NXN: variants seen among roughly 807,000 people sequenced by gnomAD.
NXN encodes nucleoredoxin 1.
NXN carries 16 observed loss-of-function variants against 48.6 expected under a neutral mutation model. The observed-to-expected ratio is 0.33, with a 90% CI of 0.22 to 0.50. The LOEUF (loss-of-function observed/expected upper bound fraction) is 0.50. Ranked by LOEUF, NXN falls within the 20% of genes least tolerant of loss-of-function variation. NXN has a pLI of 0.98. For synonymous variants in NXN, 281 were observed against 269.6 expected, an observed-to-expected ratio of 1.04 and a Z score of -0.41; for missense variants, 492 against 605.5, an observed-to-expected ratio of 0.81 and a Z score of 1.97.
chr17:972,833 C>A (rs1167798834), intron 1 of NXN, among the ~76,000 whole-genome samples: 1 of 152,110 alleles, frequency 6.6e-6, no homozygotes, highest in African/African-American at 2.4e-5. Context: ...AGATCGAGAC[C>A]ATCATGGCTA....
rs116303493 is a variant in NXN, at chr17:809,052, G to T, written c.821-3805C>A. On this transcript the variant is annotated intron_variant, in intron 5 of 7. Transcript: ENST00000336868. ...CAGACATACGGAAAACTGGGAGCTTGCTCTAGTGAGATCAACAGAGTCCTC... is the reference window on the plus strand; with the variant it reads ...CAGACATACGGAAAACTGGGAGCTTTCTCTAGTGAGATCAACAGAGTCCTC... Among the ~76,000 whole-genome samples the T allele has an allele frequency of 4.1e-5, 6 of 147,772 alleles. No individual in the cohort carries two copies. The South Asian group carries it at 6.4e-4, about 16-fold the overall frequency.
chr17:807,324 T>G (rs1911616077), intron 5 of NXN, among the ~76,000 whole-genome samples: 1 of 152,218 alleles, frequency 6.6e-6, no homozygotes, highest in Non-Finnish European at 1.5e-5. Flanking sequence ...CCAGAGCCCC[T>G]GCTGCTGTGA....
In NXN at chr17:958,972, C is replaced by T. The variant is rs1334152627; in HGVS notation, c.360+20347G>A. 3 of 185,718 alleles carry T rather than the reference C, an allele frequency of 1.6e-5. No homozygotes were observed. Among genetic ancestry groups the T allele is most frequent in the African/African-American group, 2.4e-5 (1 of 42,236 alleles). The allele number at this position is 185,718 out of a possible 1,614,324, so 11.5% of individuals were successfully genotyped here. On this transcript the variant is annotated intron_variant, in intron 1 of 7. Transcript: ENST00000336868. The surrounding 1 kb of genome is among the most constrained non-coding windows in gnomAD (Gnocchi z 6.9). ...ACACACACATACACACACACACACA[C>T]GATACGAGTTCTTTCATCTTGCAAG...
intron 1 of NXN, among the ~76,000 whole-genome samples, chr17:967,871 C>T (rs909376874): frequency 2.6e-5 from 4 of 151,884 alleles, no homozygotes; most frequent in African/African-American, 9.7e-5. Flanking sequence ...ACTTGGGAGG[C>T]TGAGGCAGGA....
intron 1 of NXN, among the ~76,000 whole-genome samples, chr17:949,972 C>T (rs1261709142): frequency 6.6e-6 from 1 of 152,082 alleles, no homozygotes; most frequent in Non-Finnish European, 1.5e-5. Flanking sequence ...AGCCCCAGGT[C>T]CTGGTCCTCC....
intron 1 of NXN, among the ~76,000 whole-genome samples, chr17:895,579 G>C: frequency 6.6e-6 from 1 of 151,254 alleles, no homozygotes; most frequent in East Asian, 2.0e-4. Flanking sequence ...TTGGGAGGTC[G>C]AGGTGGGCGG....
At chr17:838,687 T>C (rs1387437484) in intron 1 of NXN, among the ~76,000 whole-genome samples, 1 of 152,166 alleles carries the variant, frequency 6.6e-6, no homozygotes, top group Non-Finnish European at 1.5e-5. Flanking sequence ...TCAGGCCAAC[T>C]GCCAGGAGAA....
intron 1 of NXN, among the ~76,000 whole-genome samples, chr17:957,375 G>A (rs1441062058): frequency 2.6e-5 from 4 of 151,566 alleles, no homozygotes; most frequent in East Asian, 2.0e-4. Flanking sequence ...GGCTCACTTC[G>A]GCCATCCCAG....
chr17:823,878 C>T (rs1316664934), intron 2 of NXN, 113 bp from the exon 3 acceptor site: 6 of 1,032,190 alleles, frequency 5.8e-6, no homozygotes, highest in Non-Finnish European at 8.6e-6. Flanking sequence ...CCCGGGAGAC[C>T]TCAGAGCGGC....
rs541812517 is a variant in NXN, at chr17:917,245, G to C, written c.360+62074C>G. Among the ~76,000 whole-genome samples, 2 of 151,956 alleles carry C rather than the reference G, an allele frequency of 1.3e-5. No homozygotes were observed. Among genetic ancestry groups the C allele is most frequent in the East Asian group, 1.9e-4 (1 of 5,152 alleles). Reference sequence around the variant, plus strand: ...TGGCCTCCGCCTCGCGGGTTCAAGCGATTCTCCTGCCTCAGCCTCCCGAGC... The same window carrying C: ...TGGCCTCCGCCTCGCGGGTTCAAGCCATTCTCCTGCCTCAGCCTCCCGAGC... On this transcript the variant is annotated intron_variant, in intron 1 of 7. Coordinates refer to ENST00000336868, the MANE Select transcript of NXN (RefSeq NM_022463.5). The surrounding 1 kb of genome is among the most constrained non-coding windows in gnomAD (Gnocchi z 4.5).
intron 1 of NXN, among the ~76,000 whole-genome samples, chr17:887,762 C>T (rs139085280): frequency 2.2e-4 from 33 of 151,750 alleles, no homozygotes; most frequent in African/African-American, 6.6e-4. Flanking sequence ...AGGCTTTCTA[C>T]GTGTTTCTAC....
chr17:853,726 T>TA (rs2067952935), intron 1 of NXN, among the ~76,000 whole-genome samples: 1 of 138,432 alleles, frequency 7.2e-6, no homozygotes, highest in Admixed American at 7.2e-5. Flanking sequence ...TATATATATT[T>TA]TTTTTTTTTT....
chr17:817,774 T>C (rs615272), intron 5 of NXN, among the ~76,000 whole-genome samples: 68,554 of 150,842 alleles, frequency 0.45, 16,071 homozygotes, highest in African/African-American at 0.56. Context: ...ACCCTAGGAG[T>C]GCTGAGAACT....
At chr17:850,225 G>A (rs931483619) in intron 1 of NXN, among the ~76,000 whole-genome samples, 136 of 152,220 alleles carry the variant, frequency 8.9e-4, no homozygotes, top group Non-Finnish European at 6.9e-4. Flanking sequence ...CCTTTCTCAC[G>A]GATCATTCTT....
At chr17:934,657 T>A (rs1325363193) in intron 1 of NXN, among the ~76,000 whole-genome samples, 1 of 151,532 alleles carries the variant, frequency 6.6e-6, no homozygotes, top group Admixed American at 6.6e-5. Flanking sequence ...GTGGATCACC[T>A]GAGGTCAGGA....
chr17:833,664 T>G (rs9895102), intron 1 of NXN, among the ~76,000 whole-genome samples: 13,294 of 152,098 alleles, frequency 0.087, 1,907 homozygotes, highest in African/African-American at 0.3. Flanking sequence ...ACAGAGTTCA[T>G]AAATCCCCCT....
intron 1 of NXN, among the ~76,000 whole-genome samples, chr17:961,019 C>T (rs1289129780): frequency 2.0e-5 from 3 of 149,544 alleles, no homozygotes; most frequent in East Asian, 2.0e-4. Flanking sequence ...CTCCTGACCT[C>T]GTGATCTGCC....
At chr17:810,719 G>A (rs1911937548) in intron 5 of NXN, among the ~76,000 whole-genome samples, 1 of 152,174 alleles carries the variant, frequency 6.6e-6, no homozygotes, top group South Asian at 2.1e-4. Context: ...GTGAAACCCC[G>A]TCTCTACTAA....
intron 1 of NXN, among the ~76,000 whole-genome samples, chr17:902,394 C>T (rs914965649): frequency 1.1e-4 from 17 of 152,136 alleles, no homozygotes; most frequent in African/African-American, 3.4e-4. Flanking sequence ...CTGAAAATCA[C>T]GGTGAAGGTC....
Sources: allele counts gnomAD v4.1 joint callset (sites outside exome capture counted in the v4.1 genomes callset), GRCh38; gene constraint gnomAD v4.1.1; non-coding constraint Gnocchi (gnomAD v3.1); transcripts MANE v1.5; gene names NCBI Gene and HGNC (gene_info 2026-07-23, HGNC 2026-07-21).